Variants in RPS6KA2 observed in about 807,000 individuals in gnomAD.
The protein encoded by RPS6KA2 is ribosomal protein S6 kinase alpha-2.
A neutral mutation model predicts 91.8 loss-of-function variants in RPS6KA2; 42 were observed. The observed-to-expected ratio is 0.46, with a 90% CI of 0.36 to 0.59. The LOEUF (loss-of-function observed/expected upper bound fraction) is 0.59, where lower values mean the gene tolerates loss of function less well. RPS6KA2 is among the 20% of genes least tolerant of loss of function. The pLI, the probability that RPS6KA2 is intolerant of heterozygous loss-of-function variation, is 0.00. For synonymous variants in RPS6KA2, 414 were observed against 393.6 expected, an observed-to-expected ratio of 1.05 and a Z score of -0.61; for missense variants, 798 against 978.5, an observed-to-expected ratio of 0.82 and a Z score of 2.46.
chr6:166,784,857 G>A (rs1396432895), intron 2 of RPS6KA2, among the ~76,000 whole-genome samples: 1 of 152,118 alleles, frequency 6.6e-6, no homozygotes, highest in African/African-American at 2.4e-5. Flanking sequence ...TTATGAATAA[G>A]TTTGGCTTGA....
At chr6:166,799,592 GT>G (rs60875272) in intron 2 of RPS6KA2, among the ~76,000 whole-genome samples, 31,470 of 143,926 alleles carry the variant, frequency 0.22, 3,499 homozygotes, top group East Asian at 0.4. Flanking sequence ...GCATTTTCAT[GT>G]TTTTTTTTTT....
At chr6:166,818,585 G>A (rs933281658) in intron 2 of RPS6KA2, among the ~76,000 whole-genome samples, 1 of 152,118 alleles carries the variant, frequency 6.6e-6, no homozygotes, top group African/African-American at 2.4e-5. Flanking sequence ...ATGCTTTCGG[G>A]CTGCACAGTC....
rs551082200 is a variant in RPS6KA2 at position 166,533,486 on chromosome 6, T to C, written c.217-2173A>G. Among the ~76,000 whole-genome samples, 2 of 152,342 alleles carry C rather than the reference T, an allele frequency of 1.3e-5. No homozygotes were observed. Among genetic ancestry groups the C allele is most frequent in the South Asian group, 4.1e-4 (2 of 4,832 alleles). On this transcript the variant is annotated intron_variant, in intron 2 of 20. Transcript: ENST00000265678. This position sits in a 1 kb window ranked among gnomAD's most constrained non-coding sequence, Gnocchi z 4.0. Reference sequence around the variant, plus strand: ...TGTGTTTGTGGCAGGGACGCCACATTTCCCCGGCATCCTGCAGGTAAGTTG... The same window carrying C: ...TGTGTTTGTGGCAGGGACGCCACATCTCCCCGGCATCCTGCAGGTAAGTTG...
chr6:166,576,085 T>A, intron 1 of RPS6KA2, among the ~76,000 whole-genome samples: 1 of 152,198 alleles, frequency 6.6e-6, no homozygotes, highest in East Asian at 1.9e-4. Context: ...CAGGGGCTTC[T>A]GCCTTTGCTT....
intron 3 of RPS6KA2, among the ~76,000 whole-genome samples, chr6:166,519,299 A>G (rs989584417): frequency 2.0e-5 from 3 of 152,226 alleles, no homozygotes; most frequent in African/African-American, 7.2e-5. Context: ...TGTGATGTTT[A>G]TTCTCTGGTA....
At chr6:166,664,630 T>G (rs1267725283) in intron 2 of RPS6KA2, among the ~76,000 whole-genome samples, 1 of 152,238 alleles carries the variant, frequency 6.6e-6, no homozygotes, top group Non-Finnish European at 1.5e-5. Context: ...TAAAAAATAT[T>G]GAATGGTAAC....
intron 2 of RPS6KA2, among the ~76,000 whole-genome samples, chr6:166,535,127 C>A (rs1479112724): frequency 6.6e-6 from 1 of 152,154 alleles, no homozygotes; most frequent in Non-Finnish European, 1.5e-5. Context: ...GCTGTGTGTG[C>A]CCCCTCATTT....
rs1174742893 is a variant in RPS6KA2 at position 166,732,793 on chromosome 6, CAG to C, written c.123+125405_123+125406del. Among the ~76,000 whole-genome samples the C allele has an allele frequency of 6.6e-6, 1 of 152,160 alleles. No homozygotes were observed. The highest frequency in any genetic ancestry group is 1.9e-4 in the East Asian group (1 of 5,198). On this transcript the variant is annotated intron_variant, in intron 2 of 21. Transcript: ENST00000503859. The surrounding 1 kb of genome is among the most constrained non-coding windows in gnomAD (Gnocchi z 4.0). ...ACCAGAGGTGATGACAGGGGGATGA[CAG>C]GGGGAGCTGTGAAGGCCACCGGAGG...
At chr6:166,805,982 A>G (rs950985066) in intron 2 of RPS6KA2, among the ~76,000 whole-genome samples, 1 of 152,220 alleles carries the variant, frequency 6.6e-6, no homozygotes, top group East Asian at 1.9e-4. Context: ...AATTTTAAAA[A>G]TCACTAAAGG....
intron 10 of RPS6KA2, among the ~76,000 whole-genome samples, chr6:166,484,072 C>T (rs781141881): frequency 2.0e-5 from 3 of 152,334 alleles, no homozygotes; most frequent in Middle Eastern, 3.4e-3. Flanking sequence ...GTGACATGCC[C>T]GCAAACCTGT....
In RPS6KA2 at chr6:166,563,104, G is replaced by A. The variant is rs1329502308; in HGVS notation, c.100-24320C>T. ...TTTAGTCCTTGGAGTCCCTTCCAGT[G>A]TGTGGAAGAGATCCAGCCTGCAATG... is the stretch of plus-strand genomic sequence containing the variant. On this transcript the variant is annotated intron_variant, in intron 1 of 20. Coordinates refer to ENST00000265678, the MANE Select transcript of RPS6KA2 (RefSeq NM_021135.6). The surrounding 1 kb of genome is among the most constrained non-coding windows in gnomAD (Gnocchi z 4.1). Among the ~76,000 whole-genome samples, 1 of 152,238 alleles carries A rather than the reference G, an allele frequency of 6.6e-6. No homozygotes were observed. The highest frequency in any genetic ancestry group is 2.4e-5 in the African/African-American group (1 of 41,464).
At chr6:166,695,939 T>C (rs1214033209) in intron 2 of RPS6KA2, among the ~76,000 whole-genome samples, 4 of 152,172 alleles carry the variant, frequency 2.6e-5, no homozygotes, top group Non-Finnish European at 5.9e-5. Context: ...GGAACCCTAC[T>C]GTGAACTGCG....
chr6:166,508,096 C>T lies in RPS6KA2; in HGVS notation c.459+107G>A. 1 of 689,370 alleles carries T rather than the reference C, an allele frequency of 1.5e-6. No individual in the cohort carries two copies. Among genetic ancestry groups the T allele is most frequent in the Admixed American group, 2.4e-5 (1 of 42,440 alleles). The allele number at this position is 689,370 out of a possible 1,614,324, so 42.7% of individuals were successfully genotyped here. On this transcript the variant is annotated intron_variant, in intron 5 of 20. Coordinates refer to ENST00000265678, the MANE Select transcript of RPS6KA2 (RefSeq NM_021135.6). This position sits in a 1 kb window ranked among gnomAD's most constrained non-coding sequence, Gnocchi z 4.3. ...GCACACACCCCCACACACACACACG[C>T]ACTCTCGCACGTGCTCACGTCCTCT...
rs148705726 is a variant in RPS6KA2, at chr6:166,412,703, C to T, written c.*59G>A. 1,442 of 1,511,632 alleles carry T rather than the reference C, an allele frequency of 9.5e-4. 14 individuals are homozygous for T. The African/African-American group carries it at 0.015, about 16-fold the overall frequency. 93.6% of individuals were successfully genotyped at this position (1,511,632 alleles called of 1,614,324 possible). ...CTGGGTGCCAGACGGGCTCCGAGGCCGGGGTCTGTGAGCCCACGAGGATGC... is the reference window on the plus strand; with the variant it reads ...CTGGGTGCCAGACGGGCTCCGAGGCTGGGGTCTGTGAGCCCACGAGGATGC... On this transcript the variant is annotated 3_prime_UTR_variant, in exon 21 of 21. Transcript: ENST00000265678. The surrounding 1 kb of genome is among the most constrained non-coding windows in gnomAD (Gnocchi z 4.3).
chr6:166,851,995 TA>T (rs1780756900), intron 2 of RPS6KA2, among the ~76,000 whole-genome samples: 1 of 152,198 alleles, frequency 6.6e-6, no homozygotes, highest in African/African-American at 2.4e-5. Context: ...TCTGCCTCAA[TA>T]AATGCTAATG....
At position 166,469,889 on chromosome 6, in the gene RPS6KA2, T is replaced by C. The variant is rs1354683107; in HGVS notation, c.924A>G (p.Gly308=). The stretch of plus-strand genomic sequence containing the variant: ...AGGGATGGCGCTTAATTTCCTCCAC[T>C]CCGTCAATGCCAGCACCTGTCAACA... ...PCNRLGAGID[G]VEEIKRHPFF... The change falls in exon 11 of 21, where the codon GGA becomes GGG. Residue 308 remains glycine, a synonymous_variant. Transcript: ENST00000265678. 1.2e-5 allele frequency: 20 copies of C among 1,614,110 alleles called. No individual in the cohort carries two copies. Among genetic ancestry groups the C allele is most frequent in the Non-Finnish European group, 1.5e-5 (18 of 1,179,926 alleles).
chr6:166,844,846 T>C (rs1243201529), intron 2 of RPS6KA2, among the ~76,000 whole-genome samples: 1 of 122,878 alleles, frequency 8.1e-6, no homozygotes, highest in Non-Finnish European at 2.0e-5. Context: ...ACAGAACCTA[T>C]ATAACAATAA....
At chr6:166,537,250 G>A (rs1444785829) in intron 2 of RPS6KA2, among the ~76,000 whole-genome samples, 2 of 152,256 alleles carry the variant, frequency 1.3e-5, no homozygotes, top group Non-Finnish European at 2.9e-5. Flanking sequence ...GGTGGAAAAA[G>A]GAAAGAATGC....
chr6:166,462,355 G>C (rs141286795), intron 11 of RPS6KA2, among the ~76,000 whole-genome samples: 1 of 152,146 alleles, frequency 6.6e-6, no homozygotes, highest in Non-Finnish European at 1.5e-5. Flanking sequence ...CCACAGCCTC[G>C]CTTCACAGCT....
Sources: allele counts gnomAD v4.1 joint callset (sites outside exome capture counted in the v4.1 genomes callset), GRCh38; gene constraint gnomAD v4.1.1; non-coding constraint Gnocchi (gnomAD v3.1); transcripts MANE v1.5; gene names NCBI Gene and HGNC (gene_info 2026-07-23, HGNC 2026-07-21).